DMXL2: variants seen among roughly 807,000 people sequenced by gnomAD.
DMXL2 encodes the protein dmX-like protein 2.
Under a neutral mutation model 331.1 loss-of-function variants are expected in DMXL2, and 103 were observed. The observed-to-expected ratio is 0.31, with a 90% CI of 0.27 to 0.37. DMXL2 has a LOEUF of 0.37. Ranked by LOEUF, DMXL2 falls within the 10% of genes least tolerant of loss-of-function variation. The pLI is 1.00. For synonymous variants in DMXL2, 1,281 were observed against 1,252.1 expected (o/e 1.02, Z -0.49); for missense variants, 3,171 against 3,642.9 (o/e 0.87, Z 3.33).
chr15:51,593,321 C>G lies in DMXL2; in HGVS notation c.88-17140G>C, dbSNP rs79191297. On this transcript the variant is annotated intron_variant, in intron 1 of 43. Transcript: ENST00000560891. ...CAAAGATCAAAAGAGACAAAGAAGG[C>G]CATTACATAATGGTAAAGGGCTGAA... 3.3e-3 allele frequency among the ~76,000 whole-genome samples: 508 copies of G among 152,224 alleles called. 18 individuals carry two copies. The East Asian group carries it at 0.062, about 18-fold the overall frequency.
intron 14 of DMXL2, 36 bp downstream of exon 14, chr15:51,517,042 T>C (rs2047076381): frequency 6.7e-7 from 1 of 1,502,092 alleles, no homozygotes; most frequent in Admixed American, 1.7e-5. Flanking sequence ...TGGGATAAAG[T>C]ATACGAATAT....
rs2051826362 is a variant in DMXL2 at position 51,586,389 on chromosome 15, A to G, written c.88-10208T>C. ...TGACTACAAATATGTAAAAACAAAA[A>G]TCTATGGGAAGAAAAAAACAACAGA... On this transcript the variant is annotated intron_variant, in intron 1 of 43. Transcript: ENST00000560891. Among the ~76,000 whole-genome samples, 3 of 152,168 alleles carry G rather than the reference A, an allele frequency of 2.0e-5. No individual in the cohort carries two copies. The South Asian group carries it at 6.2e-4, about 31-fold the overall frequency.
At chr15:51,454,796 A>T (rs988982008) in intron 40 of DMXL2, among the ~76,000 whole-genome samples, 3 of 152,184 alleles carry the variant, frequency 2.0e-5, no homozygotes, top group African/African-American at 7.2e-5. Context: ...TGCCCGGCAG[A>T]ACCTGATTCT....
chr15:51,592,786 C>CA (rs140049945), intron 1 of DMXL2, among the ~76,000 whole-genome samples: 72,850 of 151,904 alleles, frequency 0.48, 17,821 homozygotes, highest in Non-Finnish European at 0.52. Flanking sequence ...AAAGAATTTT[C>CA]ACCCAGAATT....
At chr15:51,518,205 T>C (rs1241389302) in intron 13 of DMXL2, among the ~76,000 whole-genome samples, 2 of 151,932 alleles carry the variant, frequency 1.3e-5, no homozygotes, top group East Asian at 3.9e-4. Context: ...TGATGGAGGG[T>C]GCCTGTAATC....
intron 16 of DMXL2, among the ~76,000 whole-genome samples, chr15:51,505,445 A>G (rs561379278): frequency 6.6e-6 from 1 of 152,228 alleles, no homozygotes; most frequent in Admixed American, 6.5e-5. Context: ...TACTACCCCT[A>G]TAAATCTCTT....
rs117780146 is a variant in DMXL2, at chr15:51,476,129, A to G, written c.6964+460T>C. On this transcript the variant is annotated intron_variant, in intron 27 of 43. Coordinates refer to ENST00000560891, the MANE Select transcript of DMXL2 (RefSeq NM_001378457.1). ...AGTTTTGAAACAACTGATGTAGAGA[A>G]TGAGAAAGAGAGCCAACAAGAAAAA... 8.4e-4 allele frequency among the ~76,000 whole-genome samples: 128 copies of G among 152,306 alleles called. No individual in the cohort carries two copies. In the East Asian group the frequency reaches 0.024, roughly 29 times the overall value.
intron 1 of DMXL2, among the ~76,000 whole-genome samples, chr15:51,586,157 T>C (rs975067121): frequency 5.3e-5 from 8 of 152,178 alleles, no homozygotes; most frequent in African/African-American, 1.9e-4. Flanking sequence ...GAAGAAAGCT[T>C]ACAGCAAAAA....
chr15:51,598,919 C>T (rs1030076538), intron 1 of DMXL2, among the ~76,000 whole-genome samples: 2 of 152,212 alleles, frequency 1.3e-5, no homozygotes, highest in Admixed American at 6.5e-5. Flanking sequence ...ACTAAACTTT[C>T]ATCCATTAGT....
At chr15:51,581,552 T>C (rs2051419900) in intron 1 of DMXL2, among the ~76,000 whole-genome samples, 1 of 152,178 alleles carries the variant, frequency 6.6e-6, no homozygotes, top group Admixed American at 6.5e-5. Context: ...CATAACACAC[T>C]CATTCAGTCT....
chr15:51,541,929 AT>A (rs2048619090), intron 9 of DMXL2, among the ~76,000 whole-genome samples: 1 of 152,180 alleles, frequency 6.6e-6, no homozygotes, highest in African/African-American at 2.4e-5. Flanking sequence ...AAAACAAGAT[AT>A]GCTGAGATAT....
At chr15:51,556,591 G>A (rs1444733442) in intron 6 of DMXL2, among the ~76,000 whole-genome samples, 1 of 151,898 alleles carries the variant, frequency 6.6e-6, no homozygotes, top group Non-Finnish European at 1.5e-5. Context: ...TGGACAAAAT[G>A]GTGAAACTTC....
intron 1 of DMXL2, among the ~76,000 whole-genome samples, chr15:51,619,410 T>C (rs1025355875): frequency 2.0e-5 from 3 of 152,242 alleles, no homozygotes; most frequent in Non-Finnish European, 4.4e-5. Context: ...AGCTGTATAC[T>C]GCCTAAACAC....
intron 1 of DMXL2, among the ~76,000 whole-genome samples, chr15:51,594,223 T>C (rs1473996263): frequency 1.3e-5 from 2 of 152,052 alleles, no homozygotes; most frequent in Non-Finnish European, 2.9e-5. Flanking sequence ...CAAAAAATGA[T>C]AAAGGGGATA....
rs950721420 is a variant in DMXL2 at position 51,465,446 on chromosome 15, T to C, written c.7606+120A>G. On this transcript the variant is annotated intron_variant, in intron 31 of 43. Coordinates refer to ENST00000560891, the MANE Select transcript of DMXL2 (RefSeq NM_001378457.1). ...GGAGCCTAAAATAAACAAGACTTTA[T>C]AAAATATCTAATGCACTATTTTTTA... 3.3e-5 allele frequency: 25 copies of C among 758,190 alleles called. 1 individual carries two copies. The African/African-American group carries it at 3.9e-4, about 12-fold the overall frequency. 47.0% of individuals were successfully genotyped at this position (758,190 alleles called of 1,614,324 possible).
Position 51,450,354 on chromosome 15 carries a change from A to C in DMXL2, c.8750-8T>G, listed in dbSNP as rs2039025445. The C allele has an allele frequency of 6.2e-7, 1 of 1,613,680 alleles. No homozygotes were observed. The highest frequency in any genetic ancestry group is 8.5e-7 in the Non-Finnish European group (1 of 1,179,622). On this transcript the variant is annotated splice_polypyrimidine_tract_variant and splice_region_variant and intron_variant, in intron 42 of 43. Coordinates refer to ENST00000560891, the MANE Select transcript of DMXL2 (RefSeq NM_001378457.1). ...GATCGTGGCACGTGAAACCTGAAGA[A>C]GAAAAACATCAGAGAATTTCTCAAA...
chr15:51,514,424 A>G lies in DMXL2; in HGVS notation c.2644+18T>C. ...TTAGCATGAAGGTAAACAAATGCAGACTATTTTTTTAAAGTACCTTGTGAT... is the reference window on the plus strand; with the variant it reads ...TTAGCATGAAGGTAAACAAATGCAGGCTATTTTTTTAAAGTACCTTGTGAT... On this transcript the variant is annotated intron_variant, in intron 15 of 43. Transcript: ENST00000560891. The G allele has an allele frequency of 7.3e-7, 1 of 1,370,410 alleles. No homozygotes were observed. Among genetic ancestry groups the G allele is most frequent in the Non-Finnish European group, 1.0e-6 (1 of 981,476 alleles). 84.9% of individuals were successfully genotyped at this position (1,370,410 alleles called of 1,614,324 possible). A position where few individuals can be genotyped will look rare whatever the true frequency, so the allele number is the denominator to read the frequency against.
rs562876138 is a variant in DMXL2, at chr15:51,509,195, A to T, written c.2645-1942T>A. ...AGTAAGTAGTCAGAGAAACTTCTTT[A>T]AAAAAAAAAACTTGCTCTAGAACTG... On this transcript the variant is annotated intron_variant, in intron 15 of 43. Coordinates refer to ENST00000560891, the MANE Select transcript of DMXL2 (RefSeq NM_001378457.1). Among the ~76,000 whole-genome samples, 7 of 148,010 alleles carry T rather than the reference A, an allele frequency of 4.7e-5. No homozygotes were observed. The East Asian group carries it at 9.8e-4, about 21-fold the overall frequency.
intron 29 of DMXL2, among the ~76,000 whole-genome samples, chr15:51,470,122 G>A (rs957306628): frequency 3.3e-5 from 5 of 152,110 alleles, no homozygotes; most frequent in African/African-American, 1.2e-4. Context: ...CACACTTTGA[G>A]AACCACTGAC....
Sources: allele counts gnomAD v4.1 joint callset (sites outside exome capture counted in the v4.1 genomes callset), GRCh38; gene constraint gnomAD v4.1.1; transcripts MANE v1.5; gene names NCBI Gene and HGNC (gene_info 2026-07-23, HGNC 2026-07-21).